Variants in SPIRE1 observed in about 807,000 individuals in gnomAD.
The protein encoded by SPIRE1 is spire type actin nucleation factor 1, also known as protein spire homolog 1.
Under a neutral mutation model 94.1 loss-of-function variants are expected in SPIRE1, and 40 were observed. The ratio of observed to expected loss-of-function variants is 0.43; its 90% confidence interval spans 0.33 to 0.55. The LOEUF (loss-of-function observed/expected upper bound fraction) is 0.55. Among genes scored for constraint, SPIRE1 ranks in the 20% least tolerant of loss-of-function variants. The pLI is 0.06. For synonymous variants in SPIRE1, 376 were observed against 371.7 expected (o/e 1.01, Z -0.13); for missense variants, 838 against 975.2 (o/e 0.86, Z 1.87).
intron 2 of SPIRE1, among the ~76,000 whole-genome samples, chr18:12,576,773 C>T (rs2036113125): frequency 6.6e-6 from 1 of 150,914 alleles, no homozygotes; most frequent in Non-Finnish European, 1.5e-5. Context: ...CCTGTAGTTC[C>T]AGCTACTTGG....
intron 4 of SPIRE1, chr18:12,516,200 G>A (rs1186085185): frequency 6.6e-6 from 1 of 152,276 alleles, no homozygotes; most frequent in Non-Finnish European, 1.5e-5. Flanking sequence ...AGATCCTTCT[G>A]TTGAGAAATG....
intron 2 of SPIRE1, among the ~76,000 whole-genome samples, chr18:12,548,582 C>T (rs893857328): frequency 1.2e-4 from 18 of 151,764 alleles, no homozygotes; most frequent in African/African-American, 3.4e-4. Flanking sequence ...TCTGACCTGG[C>T]ACTGTAGCCA....
intron 5 of SPIRE1, among the ~76,000 whole-genome samples, chr18:12,507,214 G>A (rs1050565756): frequency 4.6e-5 from 7 of 152,190 alleles, no homozygotes; most frequent in African/African-American, 1.7e-4. Context: ...ATGCGGCTGT[G>A]ATTTTGTAGT....
chr18:12,512,210 C>T (rs2034055538), intron 5 of SPIRE1, among the ~76,000 whole-genome samples: 1 of 151,998 alleles, frequency 6.6e-6, no homozygotes, highest in African/African-American at 2.4e-5. Flanking sequence ...ACTAAAAATA[C>T]AAAATTAGCC....
At chr18:12,502,916 T>C (rs1408312307) in intron 6 of SPIRE1, among the ~76,000 whole-genome samples, 2 of 152,084 alleles carry the variant, frequency 1.3e-5, no homozygotes, top group Non-Finnish European at 2.9e-5. Context: ...GAGACCAGCG[T>C]GGCTAACCTG....
intron 9 of SPIRE1, among the ~76,000 whole-genome samples, chr18:12,483,465 T>C (rs1312903562): frequency 6.6e-6 from 1 of 152,160 alleles, no homozygotes; most frequent in Non-Finnish European, 1.5e-5. Context: ...TAGATATGGC[T>C]TTAGAAATCA....
chr18:12,521,881 T>C (rs985146755), intron 4 of SPIRE1, among the ~76,000 whole-genome samples: 9 of 152,162 alleles, frequency 5.9e-5, no homozygotes, highest in Non-Finnish European at 1.0e-4. Flanking sequence ...ACAAACCTAA[T>C]TGATAAATGC....
At chr18:12,504,740 C>T (rs1009849792) in intron 6 of SPIRE1, among the ~76,000 whole-genome samples, 2 of 151,966 alleles carry the variant, frequency 1.3e-5, no homozygotes, top group East Asian at 1.9e-4. Context: ...ACAATAAATC[C>T]GGAAATACAC....
chr18:12,512,987 G>A (rs1451260010), intron 4 of SPIRE1, among the ~76,000 whole-genome samples: 1 of 151,916 alleles, frequency 6.6e-6, no homozygotes, highest in East Asian at 1.9e-4. Flanking sequence ...CTTCAGAGAA[G>A]CCTTCCCTTC....
At chr18:12,571,876 A>G in intron 2 of SPIRE1, among the ~76,000 whole-genome samples, 1 of 152,216 alleles carries the variant, frequency 6.6e-6, no homozygotes, top group South Asian at 2.1e-4. Context: ...TGACTTGGGG[A>G]AAACAGATAA....
At chr18:12,461,928 T>C (rs1450051866) in intron 12 of SPIRE1, among the ~76,000 whole-genome samples, 1 of 152,230 alleles carries the variant, frequency 6.6e-6, no homozygotes, top group Non-Finnish European at 1.5e-5. Flanking sequence ...CCACTGTGCC[T>C]GGACCCTCTT....
intron 2 of SPIRE1, among the ~76,000 whole-genome samples, chr18:12,556,804 G>C (rs879825939): frequency 3.9e-5 from 6 of 152,204 alleles, no homozygotes; most frequent in Admixed American, 3.3e-4. Flanking sequence ...GTGAGCAGCA[G>C]CAAGATTTAC....
intron 2 of SPIRE1, among the ~76,000 whole-genome samples, chr18:12,612,364 C>T (rs796603492): frequency 8.5e-5 from 13 of 152,280 alleles, no homozygotes; most frequent in Middle Eastern, 3.4e-3. Flanking sequence ...TCTTAGGCTT[C>T]TTTGCTGGCT....
intron 6 of SPIRE1, among the ~76,000 whole-genome samples, chr18:12,497,623 C>A (rs2033506992): frequency 6.6e-6 from 1 of 152,160 alleles, no homozygotes; most frequent in South Asian, 2.1e-4. Context: ...GGAATAACTG[C>A]TGCTGCTTGA....
chr18:12,467,699 C>T (rs939846731), intron 10 of SPIRE1, among the ~76,000 whole-genome samples: 1 of 152,214 alleles, frequency 6.6e-6, no homozygotes, highest in Non-Finnish European at 1.5e-5. Flanking sequence ...CGCCTGTAAT[C>T]CCAGCACTTT....
At position 12,605,839 on chromosome 18, in the gene SPIRE1, G is replaced by C. The variant is rs768311800; in HGVS notation, c.372+29223C>G. ...AAGGTTTCCAGATTCACTCAGATGA[G>C]AGCTTACTGTACCCAATGGGGCCCT... On this transcript the variant is annotated intron_variant, in intron 2 of 16. Transcript: ENST00000409402. Among the ~76,000 whole-genome samples the C allele has an allele frequency of 7.4e-4, 112 of 151,050 alleles. 2 individuals are homozygous for C. Among genetic ancestry groups the C allele is most frequent in the Non-Finnish European group, 1.5e-4 (10 of 67,692 alleles).
chr18:12,528,056 CAAAA>C (rs149869128), intron 4 of SPIRE1, among the ~76,000 whole-genome samples: 3 of 138,344 alleles, frequency 2.2e-5, no homozygotes, highest in Admixed American at 7.3e-5. Context: ...GACTCTATCT[CAAAA>C]AAAAAAAAAA....
intron 6 of SPIRE1, among the ~76,000 whole-genome samples, chr18:12,501,416 G>A (rs780720940): frequency 2.0e-5 from 3 of 152,080 alleles, no homozygotes; most frequent in Admixed American, 6.6e-5. Context: ...ACAGAGTCTC[G>A]CTCTGCCGTC....
At chr18:12,643,425 A>G (rs2038138461) in intron 1 of SPIRE1, among the ~76,000 whole-genome samples, 1 of 152,228 alleles carries the variant, frequency 6.6e-6, no homozygotes, top group South Asian at 2.1e-4. Context: ...TTCCCTATCA[A>G]TTGAAGAGTT....
Sources: gnomAD v4.1 joint callset for allele counts (sites outside exome capture counted in the v4.1 genomes callset) on GRCh38, gnomAD v4.1.1 for gene constraint, MANE v1.5 for transcripts, NCBI Gene and HGNC (gene_info 2026-07-23, HGNC 2026-07-21) for gene names.